GMDS: variants seen among roughly 807,000 people sequenced by gnomAD.
GMDS encodes GDP-mannose 4,6-dehydratase.
A neutral mutation model predicts 49.9 loss-of-function variants in GMDS; 20 were observed. That is an observed-to-expected ratio of 0.40 (90% confidence interval 0.28 to 0.58). GMDS has a LOEUF of 0.58. Among genes scored for constraint, GMDS ranks in the 20% least tolerant of loss-of-function variants. The pLI is 0.42. For missense variants in GMDS, 362 were observed against 481.4 expected (o/e 0.75, Z 2.32); for synonymous variants, 177 against 178.6 (o/e 0.99, Z 0.07).
At chr6:1,818,469 G>A (rs188658222) in intron 7 of GMDS, among the ~76,000 whole-genome samples, 10 of 151,960 alleles carry the variant, frequency 6.6e-5, no homozygotes, top group South Asian at 2.1e-4. Flanking sequence ...TTAGCCAGGC[G>A]TGGTGGCAGG....
chr6:2,045,420 T>G (rs1190208304), intron 4 of GMDS, among the ~76,000 whole-genome samples: 1 of 151,924 alleles, frequency 6.6e-6, no homozygotes, highest in Non-Finnish European at 1.5e-5. Context: ...TGAGAAAGAA[T>G]TGAATAATTA....
chr6:2,055,696 T>C (rs1378845479), intron 4 of GMDS, among the ~76,000 whole-genome samples: 1 of 152,172 alleles, frequency 6.6e-6, no homozygotes, highest in African/African-American at 2.4e-5. Context: ...TAACTAACTC[T>C]GCGGATTAGG....
chr6:2,070,009 GA>G lies in GMDS; in HGVS notation c.345+45761del, dbSNP rs1771885828. Among the ~76,000 whole-genome samples the G allele has an allele frequency of 2.0e-5, 3 of 151,286 alleles. No homozygotes were observed. The South Asian group carries it at 6.3e-4, about 32-fold the overall frequency. On this transcript the variant is annotated intron_variant, in intron 4 of 10. Transcript: ENST00000380815. The stretch of plus-strand genomic sequence containing the variant: ...CATTATTCACAATAGCAAAGACTTG[GA>G]ACCAACCCAAATGTCCAACAATGAT...
At chr6:1,665,465 G>T (rs541522518) in intron 9 of GMDS, among the ~76,000 whole-genome samples, 1 of 152,354 alleles carries the variant, frequency 6.6e-6, no homozygotes, top group East Asian at 1.9e-4. Context: ...AAGTGACAAT[G>T]AAATATGAAT....
chr6:2,215,950 A>G (rs1188144854), intron 1 of GMDS, among the ~76,000 whole-genome samples: 1 of 152,196 alleles, frequency 6.6e-6, no homozygotes, highest in Non-Finnish European at 1.5e-5. Context: ...ATATACAGTG[A>G]CCAGAATTTA....
chr6:2,177,556 T>C (rs899927672), intron 1 of GMDS, among the ~76,000 whole-genome samples: 1 of 152,144 alleles, frequency 6.6e-6, no homozygotes, highest in Non-Finnish European at 1.5e-5. Context: ...AATCAATATA[T>C]ATGATTCACC....
chr6:1,706,603 C>T (rs1159024226), intron 9 of GMDS, among the ~76,000 whole-genome samples: 1 of 152,166 alleles, frequency 6.6e-6, no homozygotes, highest in Non-Finnish European at 1.5e-5. Context: ...CCTCGCAGGC[C>T]CATCATGAAC....
intron 7 of GMDS, among the ~76,000 whole-genome samples, chr6:1,891,041 AC>A (rs1759844531): frequency 6.6e-6 from 1 of 151,928 alleles, no homozygotes; most frequent in African/African-American, 2.4e-5. Flanking sequence ...TTAAAAATCA[AC>A]CTTATTTTCT....
intron 9 of GMDS, among the ~76,000 whole-genome samples, chr6:1,656,295 T>A (rs1245940119): frequency 6.6e-6 from 1 of 152,178 alleles, no homozygotes; most frequent in East Asian, 1.9e-4. Context: ...CTCCAAGAGC[T>A]CCAAAAATGG....
At chr6:2,235,605 A>C (rs1781320273) in intron 1 of GMDS, among the ~76,000 whole-genome samples, 1 of 151,872 alleles carries the variant, frequency 6.6e-6, no homozygotes, top group Non-Finnish European at 1.5e-5. Flanking sequence ...AAGGAGTTTG[A>C]AACCAGCCTG....
At chr6:2,160,078 G>C (rs754279218) in intron 1 of GMDS, among the ~76,000 whole-genome samples, 2 of 152,054 alleles carry the variant, frequency 1.3e-5, no homozygotes, top group East Asian at 3.9e-4. Flanking sequence ...AAGCAACTAT[G>C]AACAATTTAA....
intron 9 of GMDS, among the ~76,000 whole-genome samples, chr6:1,653,200 C>T (rs1461741686): frequency 6.6e-6 from 1 of 152,126 alleles, no homozygotes; most frequent in African/African-American, 2.4e-5. Context: ...GGACTGTACA[C>T]TGCCGTAGGA....
chr6:1,764,549 A>T (rs1768276487), intron 7 of GMDS, among the ~76,000 whole-genome samples: 1 of 152,182 alleles, frequency 6.6e-6, no homozygotes, highest in Admixed American at 6.5e-5. Context: ...ATATGTTAAA[A>T]GCACTCTGTG....
chr6:1,646,011 C>T (rs548938886), intron 9 of GMDS, among the ~76,000 whole-genome samples: 3 of 152,174 alleles, frequency 2.0e-5, no homozygotes, highest in Non-Finnish European at 4.4e-5. Flanking sequence ...GGCACTCGAT[C>T]GGTATTTGCA....
intron 4 of GMDS, among the ~76,000 whole-genome samples, chr6:2,113,498 T>C (rs1045507075): frequency 1.1e-4 from 17 of 151,862 alleles, no homozygotes; most frequent in African/African-American, 3.9e-4. Flanking sequence ...TCATCTCGAA[T>C]GCTCATGATG....
rs574301154 is a variant in GMDS at position 2,097,065 on chromosome 6, T to A, written c.345+18706A>T. Among the ~76,000 whole-genome samples, 60 of 152,024 alleles carry A rather than the reference T, an allele frequency of 3.9e-4. No homozygotes were observed. In the Middle Eastern group the frequency reaches 0.014, roughly 34 times the overall value. On this transcript the variant is annotated intron_variant, in intron 4 of 10. Transcript: ENST00000380815. ...AGGTATCATTTTAATGATATCATGC[T>A]GTACAAAAATATAAAGAAAATATAT... is the stretch of plus-strand genomic sequence containing the variant.
chr6:1,852,742 C>T (rs548003438), intron 7 of GMDS, among the ~76,000 whole-genome samples: 184 of 150,278 alleles, frequency 1.2e-3, no homozygotes, highest in South Asian at 2.5e-3. Context: ...GAGTTTCGCT[C>T]GTTGCCCAGG....
At chr6:1,950,029 T>G (rs1402129483) in intron 6 of GMDS, among the ~76,000 whole-genome samples, 1 of 152,238 alleles carries the variant, frequency 6.6e-6, no homozygotes, top group Non-Finnish European at 1.5e-5. Context: ...GATTTGAATT[T>G]GCCAAACTGG....
chr6:1,976,453 T>C lies in GMDS; in HGVS notation c.346-15487A>G, dbSNP rs138803088. Among the ~76,000 whole-genome samples the C allele has an allele frequency of 3.3e-3, 496 of 152,312 alleles. 1 individual carries two copies. Among genetic ancestry groups the C allele is most frequent in the African/African-American group, 0.012 (480 of 41,560 alleles). On this transcript the variant is annotated intron_variant, in intron 4 of 10. Coordinates refer to ENST00000380815, the MANE Select transcript of GMDS (RefSeq NM_001500.4). ...AATGTTTCTTGAGGGAATGAATGAA[T>C]AGGAGCAGGGTGTTCCAATATCATC...
Sources: allele counts gnomAD v4.1 joint callset (sites outside exome capture counted in the v4.1 genomes callset), GRCh38; gene constraint gnomAD v4.1.1; transcripts MANE v1.5; gene names NCBI Gene and HGNC (gene_info 2026-07-23, HGNC 2026-07-21).